SLC2A9: variants seen among roughly 807,000 people sequenced by gnomAD.
The protein encoded by SLC2A9 is solute carrier family 2 member 9, also known as solute carrier family 2, facilitated glucose transporter member 9.
SLC2A9 carries 39 observed loss-of-function variants against 50.6 expected under a neutral mutation model. That is an observed-to-expected ratio of 0.77 (90% CI 0.60 to 1.01). SLC2A9 has a LOEUF of 1.01. SLC2A9 is among the 50% of genes least tolerant of loss of function. SLC2A9 has a pLI of 0.00. For synonymous variants in SLC2A9, 324 were observed against 276.9 expected, an observed-to-expected ratio of 1.17 and a Z score of -1.69; for missense variants, 686 against 677.6, an observed-to-expected ratio of 1.01 and a Z score of -0.14.
At chr4:9,887,943 C>T (rs1736595653) in intron 9 of SLC2A9, among the ~76,000 whole-genome samples, 1 of 152,098 alleles carries the variant, frequency 6.6e-6, no homozygotes, top group Admixed American at 6.5e-5. Flanking sequence ...TAGTTGGCAT[C>T]AGGCAATATG....
downstream of SLC2A9, among the ~76,000 whole-genome samples, chr4:9,778,303 A>G (rs1041482507): frequency 6.6e-6 from 1 of 152,102 alleles, no homozygotes; most frequent in African/African-American, 2.4e-5. Flanking sequence ...CATTTTTAGT[A>G]GAGACGGGGT....
intron 1 of SLC2A9, among the ~76,000 whole-genome samples, chr4:10,038,662 C>T (rs1764184468): frequency 6.6e-6 from 1 of 152,044 alleles, no homozygotes; most frequent in South Asian, 2.1e-4. Context: ...GAACTAAATG[C>T]AATGGACATT....
chr4:9,900,098 A>C (rs1019809663), intron 8 of SLC2A9, among the ~76,000 whole-genome samples: 8 of 152,226 alleles, frequency 5.3e-5, no homozygotes, highest in Non-Finnish European at 1.5e-5. Flanking sequence ...AGAAAGAGAC[A>C]CTGGATGTCC....
intron 2 of SLC2A9, among the ~76,000 whole-genome samples, chr4:10,002,934 C>G (rs1429078095): frequency 1.3e-5 from 2 of 152,196 alleles, no homozygotes; most frequent in Non-Finnish European, 2.9e-5. Context: ...GTGGTGAATA[C>G]AGCAGCAACC....
chr4:9,785,254 C>T (rs1719074393), intron 3 of SLC2A9, among the ~76,000 whole-genome samples: 1 of 152,208 alleles, frequency 6.6e-6, no homozygotes, highest in Middle Eastern at 3.4e-3. Flanking sequence ...CACTGTTTAC[C>T]CAATTGTGCT....
intron 10 of SLC2A9, among the ~76,000 whole-genome samples, chr4:9,883,422 T>C (rs1010809367): frequency 3.9e-5 from 6 of 152,216 alleles, no homozygotes; most frequent in Non-Finnish European, 7.3e-5. Context: ...TCACTAGCTG[T>C]TTCTTATCAG....
At position 9,826,455 on chromosome 4, in the gene SLC2A9, G is replaced by A. The variant is rs1560157374; in HGVS notation, c.1565C>T (p.Pro522Leu). 2 of 1,614,018 alleles carry A rather than the reference G, an allele frequency of 1.2e-6. No homozygotes were observed. Among genetic ancestry groups the A allele is most frequent in the Admixed American group, 1.7e-5 (1 of 60,018 alleles). The change falls in exon 12 of 12, where the codon CCA becomes CTA. Residue 522 changes from proline (P) to leucine (L), a missense_variant. Coordinates refer to ENST00000264784, the MANE Select transcript of SLC2A9 (RefSeq NM_020041.3). ...QAFSKRNKAYPPEEKIDSAVT... is the reference protein window; with the variant it reads ...QAFSKRNKAYLPEEKIDSAVT... ...AGCTGAGTCGATTTTCTCTTCTGGT[G>A]GGTATGCTTTGTTCCTTTTGGAAAA...
chr4:10,037,341 A>G (rs1342648893), intron 1 of SLC2A9, among the ~76,000 whole-genome samples: 1 of 152,046 alleles, frequency 6.6e-6, no homozygotes. Context: ...ACGGTATATG[A>G]CCTTTTGTAT....
chr4:9,931,913 A>ACTCTCTCTCT lies in SLC2A9; in HGVS notation c.814+9990_814+9999dup, dbSNP rs1163786274. On this transcript the variant is annotated intron_variant, in intron 6 of 11. Transcript: ENST00000264784. The stretch of plus-strand genomic sequence containing the variant: ...TGCAGGGAGACCTGAAATGAGAATG[A>ACTCTCTCTCT]CTCTCTCTCTCTCTCTCTCTCTCTC... Among the ~76,000 whole-genome samples, 12 of 15,688 alleles carry ACTCTCTCTCT rather than the reference A, an allele frequency of 7.6e-4. 1 individual carries two copies. The highest frequency in any genetic ancestry group is 1.2e-3 in the East Asian group (1 of 802). 10.3% of individuals were successfully genotyped at this position (15,688 alleles called of 152,430 possible).
chr4:9,799,929 G>C lies in SLC2A9; in HGVS notation n.421-688C>G, dbSNP rs16888747. Among the ~76,000 whole-genome samples, 939 of 152,248 alleles carry C rather than the reference G, an allele frequency of 6.2e-3. 15 individuals are homozygous for C. In the East Asian group the frequency reaches 0.095, roughly 15 times the overall value. ...TGAAATATTTGGTAAAGCTGTTGTA[G>C]GAATAACTTCAAGGGCGGATGATGT... On this transcript the variant is annotated intron_variant and non_coding_transcript_variant, in intron 3 of 3. Coordinates refer to the SLC2A9 transcript ENST00000503280.
chr4:9,993,443 G>A (rs1258297104), intron 3 of SLC2A9, among the ~76,000 whole-genome samples: 1 of 152,178 alleles, frequency 6.6e-6, no homozygotes, highest in African/African-American at 2.4e-5. Context: ...TGGGCGAAGA[G>A]TCTGGGTCAA....
Position 9,894,362 on chromosome 4 carries a change from A to G in SLC2A9, c.1114-3651T>C, listed in dbSNP as rs147578925. 5.3e-5 allele frequency among the ~76,000 whole-genome samples: 8 copies of G among 152,338 alleles called. No individual in the cohort carries two copies. The East Asian group carries it at 1.2e-3, about 22-fold the overall frequency. ...CTAAAACATGTAGTTATATAATATC[A>G]ATTACAATTATGTTAAGCTAATACA... On this transcript the variant is annotated intron_variant, in intron 8 of 11. Transcript: ENST00000264784.
chr4:9,942,891 C>T (rs560614456), intron 5 of SLC2A9, among the ~76,000 whole-genome samples: 3 of 152,334 alleles, frequency 2.0e-5, no homozygotes, highest in South Asian at 4.1e-4. Flanking sequence ...GTCCTCAATG[C>T]CACATCCTTG....
intron 2 of SLC2A9, among the ~76,000 whole-genome samples, chr4:10,002,537 T>C (rs1760027010): frequency 6.6e-6 from 1 of 152,180 alleles, no homozygotes; most frequent in South Asian, 2.1e-4. Context: ...CAGATAAACC[T>C]AATGGTGCAT....
At chr4:9,975,833 C>T (rs1243700908) in intron 5 of SLC2A9, among the ~76,000 whole-genome samples, 1 of 152,152 alleles carries the variant, frequency 6.6e-6, no homozygotes, top group Non-Finnish European at 1.5e-5. Flanking sequence ...ATAGCAAAGA[C>T]ATGAAATTAA....
upstream of SLC2A9, chr4:10,025,986 G>T: frequency 6.2e-7 from 1 of 1,613,220 alleles, no homozygotes; most frequent in Middle Eastern, 1.7e-4. Context: ...TTCAGGTTTT[G>T]AACTTTTGTT....
At chr4:10,012,562 T>C (rs943300263) in intron 2 of SLC2A9, among the ~76,000 whole-genome samples, 1 of 151,926 alleles carries the variant, frequency 6.6e-6, no homozygotes, top group African/African-American at 2.4e-5. Context: ...TGAGGAGAAA[T>C]AAATTCGGTG....
intron 10 of SLC2A9, among the ~76,000 whole-genome samples, chr4:9,845,566 A>G (rs540252189): frequency 4.0e-5 from 6 of 149,832 alleles, no homozygotes; most frequent in Admixed American, 6.6e-5. Context: ...AGTAGCTGGG[A>G]CTACAGGCGC....
chr4:9,823,285 T>G (rs1724659129), downstream of SLC2A9, among the ~76,000 whole-genome samples: 2 of 152,162 alleles, frequency 1.3e-5, no homozygotes, highest in South Asian at 2.1e-4. Flanking sequence ...GACTAGAGAT[T>G]CTTTTAGGGT....
Sources: allele counts gnomAD v4.1 joint callset (sites outside exome capture counted in the v4.1 genomes callset), GRCh38; gene constraint gnomAD v4.1.1; transcripts MANE v1.5; gene names NCBI Gene and HGNC (gene_info 2026-07-23, HGNC 2026-07-21).